The following OSBPL7 variants were observed in gnomAD, a reference collection of about 807,000 sequenced individuals.
The protein encoded by OSBPL7 is oxysterol-binding protein-related protein 7.
OSBPL7 carries 66 observed loss-of-function variants against 115.8 expected under a neutral mutation model. The ratio of observed to expected loss-of-function variants is 0.57; its 90% CI spans 0.47 to 0.70. The LOEUF is 0.70. OSBPL7 is among the 30% of genes least tolerant of loss of function. The probability of loss-of-function intolerance (pLI) is 0.00; values close to 1 mark genes in which losing one functional copy is unlikely to be tolerated. For synonymous variants in OSBPL7, 441 were observed against 439.2 expected (o/e 1.00, Z -0.05); for missense variants, 902 against 1,125.5 (o/e 0.80, Z 2.84).
chr17:47,819,901 G>T, intron 3 of OSBPL7, 70 bp downstream of exon 3: 2 of 1,602,954 alleles, frequency 1.2e-6, no homozygotes, highest in South Asian at 1.1e-5. Flanking sequence ...CCATTGGACT[G>T]CCCAGCAGCT....
At chr17:47,814,479 A>AACCC in intron 14 of OSBPL7, 42 bp downstream of exon 14, 5 of 1,086,682 alleles carry the variant, frequency 4.6e-6, no homozygotes, top group Non-Finnish European at 5.6e-6. Context: ...CTGTTTTTCC[A>AACCC]CCCGCCTCCC....
rs2033153103 is a variant in OSBPL7 at position 47,814,563 on chromosome 17, C to T, written c.1309G>A (p.Glu437Lys). Residue 437 changes from glutamate to lysine, a missense_variant, in exon 14 of 23, where the codon GAG (glutamate) becomes AAG (lysine). Glu to Lys is a moderately conservative substitution (Grantham distance 56). Transcript: ENST00000007414. ...CTSEITTSLSEEMLDLRGAER... is the reference protein window; with the variant it reads ...CTSEITTSLSKEMLDLRGAER... ...GCTCCCCTGAGGTCCAGCATCTCCTCAGACAGGCTGGTGGTGATTTCACTG... is the reference window on the plus strand; with the variant it reads ...GCTCCCCTGAGGTCCAGCATCTCCTTAGACAGGCTGGTGGTGATTTCACTG... 6.2e-7 allele frequency: 1 copy of T among 1,608,848 alleles called. No homozygotes were observed. The highest frequency in any genetic ancestry group is 1.3e-5 in the African/African-American group (1 of 74,714).
chr17:47,817,478 C>T (rs532253880), intron 7 of OSBPL7, 119 bp from the exon 8 acceptor site: 1 of 643,720 alleles, frequency 1.6e-6, no homozygotes, highest in East Asian at 3.2e-5. Context: ...CAACCTCTGC[C>T]TCCCAGGTTC....
Position 47,817,242 on chromosome 17 carries a change from C to G in OSBPL7, c.702+14G>C. The G allele has an allele frequency of 1.3e-6, 2 of 1,577,824 alleles. No individual in the cohort carries two copies. Among genetic ancestry groups the G allele is most frequent in the Non-Finnish European group, 1.7e-6 (2 of 1,165,724 alleles). ...GGGCCTGAGCAGGACCCTGTGTGTA[C>G]CCCTGGATCTTACCTGGTGTGTGGG... On this transcript the variant is annotated intron_variant, in intron 8 of 22. Transcript: ENST00000007414.
Position 47,809,235 on chromosome 17 carries a change from G to A in OSBPL7, c.2026-15C>T. 1 of 1,613,962 alleles carries A rather than the reference G, an allele frequency of 6.2e-7. No individual in the cohort carries two copies. The highest frequency in any genetic ancestry group is 8.5e-7 in the Non-Finnish European group (1 of 1,179,998). The stretch of plus-strand genomic sequence containing the variant: ...CAGTACTTGGCCTGGGGTGGGGAAG[G>A]CAGGGTTTAGGGAGGTGTCCCCTCC... On this transcript the variant is annotated splice_polypyrimidine_tract_variant and intron_variant, in intron 19 of 22. Transcript: ENST00000007414.
chr17:47,813,837 G>A lies in OSBPL7; in HGVS notation c.1352-3C>T. The stretch of plus-strand genomic sequence containing the variant: ...GGGTCTCCCTGGAACACACCCCCCT[G>A]GGGCCGCCCTGCCATGTCACTCTCC... On this transcript the variant is annotated splice_region_variant and splice_polypyrimidine_tract_variant and intron_variant, in intron 14 of 22. Transcript: ENST00000007414. The A allele has an allele frequency of 1.2e-6, 2 of 1,604,586 alleles. No homozygotes were observed. The highest frequency in any genetic ancestry group is 1.7e-5 in the Admixed American group (1 of 59,436).
At position 47,809,236 on chromosome 17, in the gene OSBPL7, C is replaced by T; in HGVS notation, c.2026-16G>A. On this transcript the variant is annotated splice_polypyrimidine_tract_variant and intron_variant, in intron 19 of 22. Transcript: ENST00000007414. ...AGTACTTGGCCTGGGGTGGGGAAGG[C>T]AGGGTTTAGGGAGGTGTCCCCTCCC... is the stretch of plus-strand genomic sequence containing the variant. 1 of 1,613,938 alleles carries T rather than the reference C, an allele frequency of 6.2e-7. No homozygotes were observed. Among genetic ancestry groups the T allele is most frequent in the Non-Finnish European group, 8.5e-7 (1 of 1,179,964 alleles).
At chr17:47,811,991 G>A (rs748010899) in intron 16 of OSBPL7, among the ~76,000 whole-genome samples, 1 of 152,148 alleles carries the variant, frequency 6.6e-6, no homozygotes, top group African/African-American at 2.4e-5. Flanking sequence ...TTGTACGCAC[G>A]AGTGTACTGT....
At position 47,808,914 on chromosome 17, in the gene OSBPL7, C is replaced by T. The variant is rs2143516920; in HGVS notation, c.2247G>A (p.Glu749=). ...FALELNELTA[E]LKRSLPSTDT... ...CGGTGGAAGGCAGCGACCGTTTCAGCTCTGCTGTCAGCTCATTCAGCTCCA... is the reference window on the plus strand; with the variant it reads ...CGGTGGAAGGCAGCGACCGTTTCAGTTCTGCTGTCAGCTCATTCAGCTCCA... The change falls in exon 21 of 23, where the codon GAG becomes GAA. Residue 749 remains glutamate (E), a synonymous_variant. Transcript: ENST00000007414. The surrounding 1 kb of genome is among the most constrained non-coding windows in gnomAD (Gnocchi z 6.1). 1.9e-6 allele frequency: 3 copies of T among 1,614,230 alleles called. No individual in the cohort carries two copies. Among genetic ancestry groups the T allele is most frequent in the South Asian group, 1.1e-5 (1 of 91,082 alleles).
At position 47,808,004 on chromosome 17, in the gene OSBPL7, C is replaced by T. The variant is rs1431458411; in HGVS notation, c.*287G>A. The T allele has an allele frequency of 2.2e-6, 1 of 463,874 alleles. No homozygotes were observed. Among genetic ancestry groups the T allele is most frequent in the Admixed American group, 3.3e-5 (1 of 29,942 alleles). 28.7% of individuals were successfully genotyped at this position (463,874 alleles called of 1,614,324 possible). ...GGAGCCAGAGTCTCCCCCAAGTACC[C>T]CAAAGGGGACAGGAATCGGAATGGT... On this transcript the variant is annotated 3_prime_UTR_variant, in exon 23 of 23. Transcript: ENST00000007414. This position sits in a 1 kb window ranked among gnomAD's most constrained non-coding sequence, Gnocchi z 6.1.
intron 18 of OSBPL7, 49 bp from the exon 19 acceptor site, chr17:47,809,527 A>T: frequency 6.3e-7 from 1 of 1,585,624 alleles, no homozygotes; most frequent in Non-Finnish European, 8.6e-7. Flanking sequence ...CCAGGGAACA[A>T]GTGAGTCAGG....
chr17:47,808,281 G>A lies in OSBPL7; in HGVS notation c.*10C>T, dbSNP rs753521025. 2.3e-5 allele frequency: 37 copies of A among 1,598,594 alleles called. No homozygotes were observed. The highest frequency in any genetic ancestry group is 1.9e-4 in the Middle Eastern group (1 of 5,356). On this transcript the variant is annotated 3_prime_UTR_variant, in exon 23 of 23. Transcript: ENST00000007414. The surrounding 1 kb of genome is among the most constrained non-coding windows in gnomAD (Gnocchi z 6.1). Reference sequence around the variant, plus strand: ...TGAGGAACCAGAGCCTCCTGCCCCCGGGGCCAGGGCTACCAGAGCACGGCC... The same window carrying A: ...TGAGGAACCAGAGCCTCCTGCCCCCAGGGCCAGGGCTACCAGAGCACGGCC...
chr17:47,818,546 T>A lies in OSBPL7; in HGVS notation c.440A>T (p.Asp147Val). Residue 147 changes from aspartate to valine, a missense_variant, in exon 6 of 23, where the codon GAC (aspartate) becomes GTC (valine). Around this residue, in one of 3 missense-constraint regions of OSBPL7, gnomAD observed 667 missense variants for 788.7 expected, o/e 0.85. Coordinates refer to ENST00000007414, the MANE Select transcript of OSBPL7 (RefSeq NM_145798.3). Reference sequence around the variant, plus strand: ...ACTGGGCAGTGAGCCACGGGGCATGTCCAGGCGGTGGGCTAGGCGGTGGGC... The same window carrying A: ...ACTGGGCAGTGAGCCACGGGGCATGACCAGGCGGTGGGCTAGGCGGTGGGC... ...LRAHRLAHRLDMPRGSLPSTA... is the reference protein window; with the variant it reads ...LRAHRLAHRLVMPRGSLPSTA... 6.2e-7 allele frequency: 1 copy of A among 1,611,102 alleles called. No individual in the cohort carries two copies. Among genetic ancestry groups the A allele is most frequent in the Non-Finnish European group, 8.5e-7 (1 of 1,178,584 alleles).
rs556830619 is a variant in OSBPL7, at chr17:47,810,279, T to C, written c.1880+315A>G. Among the ~76,000 whole-genome samples, 189 of 152,340 alleles carry C rather than the reference T, an allele frequency of 1.2e-3. 7 individuals are homozygous for C. The South Asian group carries it at 0.036, about 29-fold the overall frequency. ...TTAGGTTTCTGTGTGTGTGTATGTG[T>C]ACACATTGGCTTGAAGTCTCAAAGG... On this transcript the variant is annotated intron_variant, in intron 18 of 22. Transcript: ENST00000007414.
In OSBPL7 at chr17:47,814,512, A is replaced by G. The variant is rs570770308; in HGVS notation, c.1351+9T>C. ...CCCACCCCTCCCTGCCTGCCCACCCAGCTGGCACCTTTCTGACAGCGCTCA... is the reference window on the plus strand; with the variant it reads ...CCCACCCCTCCCTGCCTGCCCACCCGGCTGGCACCTTTCTGACAGCGCTCA... On this transcript the variant is annotated intron_variant, in intron 14 of 22. Transcript: ENST00000007414. 93 of 439,594 alleles carry G rather than the reference A, an allele frequency of 2.1e-4. 1 individual carries two copies. The highest frequency in any genetic ancestry group is 3.3e-4 in the Non-Finnish European group (83 of 253,934). The allele number at this position is 439,594 out of a possible 1,614,324, so 27.2% of individuals were successfully genotyped here. A position where few individuals can be genotyped will look rare whatever the true frequency, so the allele number is the denominator to read the frequency against.
intron 4 of OSBPL7, 93 bp downstream of exon 4, chr17:47,819,636 C>A: frequency 6.8e-7 from 1 of 1,478,442 alleles, no homozygotes; most frequent in Admixed American, 1.7e-5. Flanking sequence ...GGGATTCAGA[C>A]CCTGCTCTGG....
intron 4 of OSBPL7, chr17:47,819,498 G>A: frequency 1.6e-6 from 1 of 608,566 alleles, no homozygotes; most frequent in East Asian, 2.8e-5. Flanking sequence ...AGAGAGCCTT[G>A]TACGTATGAC....
At position 47,820,512 on chromosome 17, in the gene OSBPL7, G is replaced by A. The variant is rs182857118; in HGVS notation, c.-87-147C>T. On this transcript the variant is annotated intron_variant, in intron 1 of 22. Transcript: ENST00000007414. ...TCTCCCAAGTCTGCCCCTCTGTCCC[G>A]ACCCCACCCATTTTCACCTGATATG... 9.2e-4 allele frequency: 489 copies of A among 534,050 alleles called. 1 individual carries two copies. Among genetic ancestry groups the A allele is most frequent in the African/African-American group, 8.8e-3 (457 of 52,194 alleles). The allele number at this position is 534,050 out of a possible 1,614,324, so 33.1% of individuals were successfully genotyped here. A position where few individuals can be genotyped will look rare whatever the true frequency, so the allele number is the denominator to read the frequency against.
chr17:47,819,398 G>T (rs1214748560), intron 4 of OSBPL7: 2 of 561,770 alleles, frequency 3.6e-6, no homozygotes, highest in Non-Finnish European at 6.4e-6. Flanking sequence ...TGGGTACCCA[G>T]GCCTTCAGTT....
Sources: allele counts gnomAD v4.1 joint callset (sites outside exome capture counted in the v4.1 genomes callset), GRCh38; gene constraint gnomAD v4.1.1; regional missense constraint gnomAD v4.1.1; non-coding constraint Gnocchi (gnomAD v3.1); transcripts MANE v1.5; gene names NCBI Gene and HGNC (gene_info 2026-07-23, HGNC 2026-07-21).